Variants in KLRG1 observed in about 807,000 individuals in gnomAD.
KLRG1 encodes killer cell lectin like receptor G1, also known as killer cell lectin-like receptor subfamily G member 1.
KLRG1 carries 16 observed loss-of-function variants against 21.8 expected under a neutral mutation model. That is an observed-to-expected ratio of 0.73 (90% CI 0.50 to 1.11). The LOEUF is 1.11. Ranked by LOEUF, KLRG1 falls within the 50% of genes most tolerant of loss-of-function variation. The pLI is 0.00. For synonymous variants in KLRG1, 69 were observed against 75.9 expected (o/e 0.91, Z 0.47); for missense variants, 173 against 218.3 (o/e 0.79, Z 1.31).
chr12:8,980,984 T>A (rs188969774), intron 1 of KLRG1, among the ~76,000 whole-genome samples: 1 of 152,332 alleles, frequency 6.6e-6, no homozygotes, highest in East Asian at 1.9e-4. Flanking sequence ...GGTAAAATGC[T>A]TTCTACACTT....
At chr12:8,985,166 T>G (rs778118714), upstream of KLRG1, among the ~76,000 whole-genome samples, 692 of 50,872 alleles carry the variant, frequency 0.014, 2 homozygotes, top group Non-Finnish European at 0.019. Context: ...TGACAGTTTC[T>G]CAGTGTTTTT....
chr12:9,153,469 A>G, the KLRG1 span: 1 of 647,814 alleles, frequency 1.5e-6, no homozygotes, highest in Non-Finnish European at 2.6e-6. Flanking sequence ...GATCTTCACT[A>G]ATTACCTTTC....
chr12:8,951,178 T>C (rs1290143101), intron 1 of KLRG1, among the ~76,000 whole-genome samples: 1 of 152,146 alleles, frequency 6.6e-6, no homozygotes, highest in Non-Finnish European at 1.5e-5. Context: ...TTTCCTTTTT[T>C]CAAAAATGTA....
the KLRG1 span, chr12:9,101,417 T>A: frequency 1.3e-6 from 2 of 1,571,576 alleles, no homozygotes; most frequent in Non-Finnish European, 1.7e-6. Flanking sequence ...TTGTCTACAG[T>A]GAAGTCAACG....
chr12:9,089,949 G>A, the KLRG1 span: 1 of 1,612,212 alleles, frequency 6.2e-7, no homozygotes, highest in African/African-American at 1.3e-5. Flanking sequence ...CCGTGTTCAG[G>A]AACTGAAGGC....
chr12:9,084,858 C>G, the KLRG1 span, among the ~76,000 whole-genome samples: 1 of 151,936 alleles, frequency 6.6e-6, no homozygotes, highest in Non-Finnish European at 1.5e-5. Flanking sequence ...TAAATGGGGA[C>G]TAAAAGAGAG....
the KLRG1 span, among the ~76,000 whole-genome samples, chr12:9,102,418 G>A: frequency 1.0e-3 from 159 of 152,156 alleles, 1 homozygote; most frequent in African/African-American, 3.7e-3. Flanking sequence ...GTTTCACCAC[G>A]TTGCCTAGGC....
At chr12:9,049,945 T>C in the KLRG1 span, among the ~76,000 whole-genome samples, 38 of 152,326 alleles carry the variant, frequency 2.5e-4, 1 homozygote, top group East Asian at 7.1e-3. Context: ...AACCTTATCA[T>C]AGTACTCCCC....
At chr12:9,028,149 C>A in the KLRG1 span, 1 of 485,008 alleles carries the variant, frequency 2.1e-6, no homozygotes, top group Non-Finnish European at 3.6e-6. Flanking sequence ...TCGTCTTCTT[C>A]TTTTTTTTTT....
chr12:9,187,258 A>G, the KLRG1 span, among the ~76,000 whole-genome samples: 1 of 152,056 alleles, frequency 6.6e-6, no homozygotes, highest in Admixed American at 6.6e-5. Flanking sequence ...AAACTTCAAC[A>G]CTCCACAGAC....
the KLRG1 span, chr12:9,112,080 G>T: frequency 7.4e-7 from 1 of 1,358,298 alleles, no homozygotes; most frequent in Non-Finnish European, 1.1e-6. Flanking sequence ...TCCTCTCCCT[G>T]GTCTTCCCTC....
the KLRG1 span, chr12:9,098,470 C>G: frequency 2.4e-6 from 2 of 839,514 alleles, no homozygotes. Context: ...CAATGAAAGC[C>G]CACAAGAGAG....
the KLRG1 span, chr12:9,127,903 A>G: frequency 3.0e-6 from 1 of 332,652 alleles, no homozygotes; most frequent in Non-Finnish European, 6.0e-6. Flanking sequence ...ACCATTGAAG[A>G]CCTGCGGGAC....
the KLRG1 span, among the ~76,000 whole-genome samples, chr12:9,140,383 GTTTC>G: frequency 6.6e-6 from 1 of 152,060 alleles, no homozygotes; most frequent in South Asian, 2.1e-4. Flanking sequence ...ATTTAGCAGT[GTTTC>G]TTACTCGGCC....
At chr12:9,178,483 G>A in the KLRG1 span, among the ~76,000 whole-genome samples, 3 of 152,272 alleles carry the variant, frequency 2.0e-5, no homozygotes, top group Middle Eastern at 3.4e-3. Context: ...AAGCCGTAAA[G>A]TGCTTCCTTT....
chr12:8,996,894 G>A (rs1947148423), intron 3 of KLRG1, among the ~76,000 whole-genome samples: 1 of 152,144 alleles, frequency 6.6e-6, no homozygotes, highest in African/African-American at 2.4e-5. Flanking sequence ...TTGAAACATT[G>A]AGGGCAAAAC....
the KLRG1 span, chr12:9,058,582 T>C: frequency 6.6e-6 from 1 of 152,222 alleles, no homozygotes; most frequent in Non-Finnish European, 1.5e-5. Context: ...AACAAATCCA[T>C]ACCTACTGGC....
At chr12:9,136,803 A>G in the KLRG1 span, among the ~76,000 whole-genome samples, 1 of 151,982 alleles carries the variant, frequency 6.6e-6, no homozygotes, top group Non-Finnish European at 1.5e-5. Flanking sequence ...TCATATACCT[A>G]TTGGCCATTT....
the KLRG1 span, chr12:9,150,699 G>T: frequency 5.5e-5 from 89 of 1,613,086 alleles, no homozygotes; most frequent in Non-Finnish European, 6.6e-5. Flanking sequence ...CTCCTACTGG[G>T]ATGTCTTGCA....
Sources: gnomAD v4.1 joint callset for allele counts (sites outside exome capture counted in the v4.1 genomes callset) on GRCh38, gnomAD v4.1.1 for gene constraint, MANE v1.5 for transcripts, NCBI Gene and HGNC (gene_info 2026-07-23, HGNC 2026-07-21) for gene names.